The following KDM6A variants were observed in gnomAD, a reference collection of about 807,000 sequenced individuals.
The protein encoded by KDM6A is lysine-specific demethylase 6A.
Under a neutral mutation model 117.6 loss-of-function variants are expected in KDM6A, and 11 were observed. The ratio of observed to expected loss-of-function variants is 0.09; its 90% CI spans 0.06 to 0.15. The LOEUF is 0.15. KDM6A is among the 10% of genes least tolerant of loss of function. The pLI is 1.00. For missense variants in KDM6A, 799 were observed against 1,077.3 expected (o/e 0.74, Z 3.62); for synonymous variants, 384 against 396.1 (o/e 0.97, Z 0.36).
At chrX:45,054,083 C>A in intron 10 of KDM6A, 128 bp downstream of exon 10, 1 of 722,605 alleles carries the variant, frequency 1.4e-6, no homozygotes, top group Non-Finnish European at 2.1e-6. Flanking sequence ...ACATTATTAA[C>A]CAAGATTCCT....
chrX:45,034,272 G>A lies in KDM6A; in HGVS notation c.565-659G>A, dbSNP rs73490966. On this transcript the variant is annotated intron_variant, in intron 6 of 29. Coordinates refer to ENST00000611820, the MANE Select transcript of KDM6A (RefSeq NM_001291415.2). Reference sequence around the variant, plus strand: ...ATTAGTGTTATGCATTGATGTTAACGTGCTTATATGATATTATTACAAGTG... The same window carrying A: ...ATTAGTGTTATGCATTGATGTTAACATGCTTATATGATATTATTACAAGTG... Among the ~76,000 whole-genome samples the A allele has an allele frequency of 6.2e-3, 694 of 111,691 alleles. 8 individuals are homozygous for A. The highest frequency in any genetic ancestry group is 0.021 in the African/African-American group (659 of 30,764).
Position 45,105,726 on chromosome X carries a change from C to T in KDM6A, c.4035-1684C>T, listed in dbSNP as rs142624606. On this transcript the variant is annotated intron_variant, in intron 27 of 29. Coordinates refer to ENST00000611820, the MANE Select transcript of KDM6A (RefSeq NM_001291415.2). ...ATCAATAGCTGTCCTAACCTTGACA[C>T]ACAGCCACAGGCTAAAGCAGGGGTC... is the stretch of plus-strand genomic sequence containing the variant. Among the ~76,000 whole-genome samples the T allele has an allele frequency of 2.7e-3, 300 of 112,399 alleles. 8 individuals carry two copies. The East Asian group carries it at 0.063, about 24-fold the overall frequency.
intron 2 of KDM6A, among the ~76,000 whole-genome samples, chrX:44,907,445 TTGTGTGTG>T (rs71867476): frequency 2.7e-3 from 256 of 93,504 alleles, no homozygotes; most frequent in Non-Finnish European, 4.1e-3. Flanking sequence ...GCCCGGCTAA[TTGTGTGTG>T]TGTGTGTGTG....
chrX:44,884,165 T>C (rs1476461714), intron 2 of KDM6A, among the ~76,000 whole-genome samples: 2 of 104,574 alleles, frequency 1.9e-5, no homozygotes, highest in African/African-American at 7.0e-5. Flanking sequence ...GTTTGAGGAA[T>C]TGTGAATAGT....
chrX:44,881,786 C>T (rs1454899257), intron 2 of KDM6A, among the ~76,000 whole-genome samples: 1 of 107,923 alleles, frequency 9.3e-6, no homozygotes, highest in Non-Finnish European at 1.9e-5. Context: ...CTCCAGGGTT[C>T]GAGCGATTCT....
At chrX:45,028,139 C>A (rs2042456170) in intron 6 of KDM6A, among the ~76,000 whole-genome samples, 1 of 111,851 alleles carries the variant, frequency 8.9e-6, no homozygotes, top group Admixed American at 9.5e-5. Context: ...TGGATTTCCT[C>A]CTGGAGTAAC....
intron 4 of KDM6A, among the ~76,000 whole-genome samples, chrX:45,006,271 T>C (rs1208822308): frequency 9.6e-6 from 1 of 104,321 alleles, no homozygotes; most frequent in Non-Finnish European, 2.0e-5. Context: ...TGCCTCCTCA[T>C]GAGGGAGAAC....
At chrX:44,969,486 C>T (rs1236685763) in intron 3 of KDM6A, among the ~76,000 whole-genome samples, 5 of 94,650 alleles carry the variant, frequency 5.3e-5, no homozygotes, top group Admixed American at 1.3e-4. Flanking sequence ...GGCGCGATCT[C>T]GGCTCACTGC....
At chrX:45,087,975 A>G (rs778151023) in intron 25 of KDM6A, among the ~76,000 whole-genome samples, 25 of 111,875 alleles carry the variant, frequency 2.2e-4, no homozygotes, top group African/African-American at 7.8e-4. Context: ...ATGGCTTTAA[A>G]TAATACCTGT....
chrX:45,015,147 G>C (rs2041910625), intron 5 of KDM6A, among the ~76,000 whole-genome samples: 1 of 108,997 alleles, frequency 9.2e-6, no homozygotes, highest in Non-Finnish European at 1.9e-5. Flanking sequence ...TGTCACCCAG[G>C]CTGGAGTGTA....
At chrX:44,971,267 C>CT (rs1399941499) in intron 3 of KDM6A, among the ~76,000 whole-genome samples, 1 of 111,855 alleles carries the variant, frequency 8.9e-6, no homozygotes, top group Non-Finnish European at 1.9e-5. Context: ...AAAACCAGTT[C>CT]TTCACCACAA....
intron 8 of KDM6A, among the ~76,000 whole-genome samples, chrX:45,038,011 C>T (rs1305768835): frequency 9.0e-6 from 1 of 111,438 alleles, no homozygotes; most frequent in African/African-American, 3.3e-5. Context: ...CACTTGAGGC[C>T]AGGAGTTCAA....
chrX:44,885,728 C>T (rs933477708), intron 2 of KDM6A, among the ~76,000 whole-genome samples: 5 of 109,841 alleles, frequency 4.6e-5, no homozygotes, highest in Non-Finnish European at 9.5e-5. Context: ...AAAAATTAGC[C>T]GGGCATGGTG....
At chrX:44,995,008 CATAT>C (rs2040797524) in intron 4 of KDM6A, among the ~76,000 whole-genome samples, 1 of 111,949 alleles carries the variant, frequency 8.9e-6, no homozygotes, top group Admixed American at 9.5e-5. Flanking sequence ...ATTTAGAACT[CATAT>C]ATAACATAGA....
rs565164399 is a variant in KDM6A, at chrX:44,964,450, GA to G, written c.334+3076del. ...GGTGACAGAGTGAGACTCTGTCTCA[GA>G]AAAAAAAAAAAAAAAAAGACTTGGA... On this transcript the variant is annotated intron_variant, in intron 3 of 29. Coordinates refer to ENST00000611820, the MANE Select transcript of KDM6A (RefSeq NM_001291415.2). Among the ~76,000 whole-genome samples, 505 of 54,201 alleles carry G rather than the reference GA, an allele frequency of 9.3e-3. 8 individuals carry two copies. Among genetic ancestry groups the G allele is most frequent in the African/African-American group, 0.021 (360 of 17,192 alleles). The allele number at this position is 54,201 out of a possible 115,157, so 47.1% of individuals were successfully genotyped here. A position where few individuals can be genotyped will look rare whatever the true frequency, so the allele number is the denominator to read the frequency against.
At chrX:44,906,654 T>C (rs1438049664) in intron 2 of KDM6A, among the ~76,000 whole-genome samples, 1 of 110,610 alleles carries the variant, frequency 9.0e-6, no homozygotes, top group East Asian at 2.8e-4. Flanking sequence ...AGAGAGACTG[T>C]ATGTGTATGT....
chrX:44,967,265 T>C (rs1179682316), intron 3 of KDM6A, among the ~76,000 whole-genome samples: 2 of 111,484 alleles, frequency 1.8e-5, no homozygotes, highest in Admixed American at 9.6e-5. Flanking sequence ...CTCCAACACA[T>C]ACTCATACCC....
chrX:44,955,327 A>G (rs2038264388), intron 2 of KDM6A, among the ~76,000 whole-genome samples: 1 of 110,678 alleles, frequency 9.0e-6, no homozygotes, highest in Non-Finnish European at 1.9e-5. Context: ...GATCCAGGAG[A>G]AAAAAAAGAT....
chrX:44,948,846 C>T (rs2037815871), intron 2 of KDM6A, among the ~76,000 whole-genome samples: 1 of 111,670 alleles, frequency 9.0e-6, no homozygotes, highest in African/African-American at 3.3e-5. Context: ...GAAACCAGCA[C>T]CGCTGGTGGA....
Sources: allele counts gnomAD v4.1 joint callset (sites outside exome capture counted in the v4.1 genomes callset), GRCh38; gene constraint gnomAD v4.1.1; transcripts MANE v1.5; gene names NCBI Gene and HGNC (gene_info 2026-07-23, HGNC 2026-07-21).